FSIP2: variants seen among roughly 807,000 people sequenced by gnomAD.
The protein encoded by FSIP2 is fibrous sheath interacting protein 2, also known as fibrous sheath-interacting protein 2.
In FSIP2, 367 loss-of-function variants were observed where a neutral mutation model predicts 510.5. The observed-to-expected ratio is 0.72, with a 90% CI of 0.66 to 0.78. The LOEUF is 0.78. Ranked by LOEUF, FSIP2 falls within the 30% of genes least tolerant of loss-of-function variation. The probability of loss-of-function intolerance (pLI) is 0.00; values close to 1 mark genes in which losing one functional copy is unlikely to be tolerated. For missense variants in FSIP2, 7,594 were observed against 7,901.7 expected (o/e 0.96, Z 1.48); for synonymous variants, 2,601 against 2,732.2 (o/e 0.95, Z 1.50).
intron 9 of FSIP2, among the ~76,000 whole-genome samples, chr2:185,759,616 G>T (rs1347905656): frequency 7.0e-6 from 1 of 143,352 alleles, no homozygotes; most frequent in Non-Finnish European, 1.5e-5. Flanking sequence ...TTAATATAAT[G>T]GTCAGTATAA....
In FSIP2 at chr2:185,791,367, A is replaced by T; in HGVS notation, c.4231A>T (p.Thr1411Ser). 6.5e-7 allele frequency: 1 copy of T among 1,533,992 alleles called. No homozygotes were observed. Among genetic ancestry groups the T allele is most frequent in the Non-Finnish European group, 8.7e-7 (1 of 1,145,436 alleles). ...AAAATCTTTTCACAAATATTTGGCT[A>T]CTCCTTGTACTCACCACAGTGTCAA... ...DKKSFHKYLA[T>S]PCTHHSVNGG... The change falls in exon 16 of 23, where the codon ACT (threonine) becomes TCT (serine). Residue 1411 changes from threonine (T) to serine (S), a missense_variant. Thr to Ser is a moderately conservative substitution (Grantham distance 58). Transcript: ENST00000424728.
intron 19 of FSIP2, among the ~76,000 whole-genome samples, chr2:185,820,210 A>C (rs1245910269): frequency 1.3e-5 from 2 of 151,912 alleles, no homozygotes; most frequent in African/African-American, 4.8e-5. Flanking sequence ...GTGAGTTCTC[A>C]TGAGATCTGA....
chr2:185,800,867 A>T lies in FSIP2; in HGVS notation c.11561A>T (p.Lys3854Ile), dbSNP rs1355390824. ...SHSLVKSLMDKLSHSIQQAPE... is the reference protein window; with the variant it reads ...SHSLVKSLMDILSHSIQQAPE... ...AGCTTGGTTAAATCATTGATGGACA[A>T]ATTATCTCACAGCATACAACAAGCT... The change falls in exon 17 of 23, where the codon AAA becomes ATA. Residue 3854 changes from lysine (K) to isoleucine (I), a missense_variant. By Grantham distance (102) the Lys-to-Ile change is moderately radical. Transcript: ENST00000424728. 7.2e-6 allele frequency: 11 copies of T among 1,534,196 alleles called. No homozygotes were observed. The highest frequency in any genetic ancestry group is 2.7e-5 in the African/African-American group (2 of 72,876).
chr2:185,797,122 C>T lies in FSIP2; in HGVS notation c.9986C>T (p.Ala3329Val). The change falls in exon 16 of 23, where the codon GCT (alanine) becomes GTT (valine). Residue 3329 changes from alanine to valine, a missense_variant. By Grantham distance (64) the Ala-to-Val change is moderately conservative. Coordinates refer to ENST00000424728, the MANE Select transcript of FSIP2 (RefSeq NM_173651.4). ...TTISPLKICL[A>V]AENIVNTVLS... is the part of the protein sequence containing the mutation. ...ATTTCCCCTCTCAAAATATGTTTAG[C>T]TGCAGAAAATATTGTCAATACTGTG... is the stretch of plus-strand genomic sequence containing the variant. 1 of 1,534,970 alleles carries T rather than the reference C, an allele frequency of 6.5e-7. No homozygotes were observed. The highest frequency in any genetic ancestry group is 8.7e-7 in the Non-Finnish European group (1 of 1,146,194).
Position 185,794,813 on chromosome 2 carries a change from T to A in FSIP2, c.7677T>A (p.Tyr2559Ter). 6.5e-7 allele frequency: 1 copy of A among 1,532,664 alleles called. No homozygotes were observed. The highest frequency in any genetic ancestry group is 1.2e-5 in the South Asian group (1 of 83,736). The allele number at this position is 1,532,664 out of a possible 1,614,324, so 94.9% of individuals were successfully genotyped here. ...ACTTGGTAGTTGTGACATCATTATATGAAAATAATAAAAGTAGGACAGAAG... is the reference window on the plus strand; with the variant it reads ...ACTTGGTAGTTGTGACATCATTATAAGAAAATAATAAAAGTAGGACAGAAG... ...KMYLVVVTSLYENNKSRTEVE... is the reference protein window; with the variant it reads ...KMYLVVVTSL Residue 2559 changes from tyrosine to a stop codon, truncating the protein, a stop_gained, in exon 16 of 23, where the codon TAT (tyrosine) becomes TAA (stop). Coordinates refer to ENST00000424728, the MANE Select transcript of FSIP2 (RefSeq NM_173651.4). LOFTEE classifies it high-confidence loss of function.
intron 19 of FSIP2, among the ~76,000 whole-genome samples, chr2:185,822,917 T>C (rs946203993): frequency 6.6e-6 from 1 of 151,886 alleles, no homozygotes; most frequent in African/African-American, 2.4e-5. Flanking sequence ...CATGATCAAA[T>C]GATTTTTACC....
At position 185,813,920 on chromosome 2, in the gene FSIP2, A is replaced by G. The variant is rs772374837; in HGVS notation, c.20203A>G (p.Asn6735Asp). The change falls in exon 18 of 23, where the codon AAT (asparagine) becomes GAT (aspartate). Residue 6735 changes from asparagine (N) to aspartate (D), a missense_variant. Physicochemically the swap from Asn to Asp is conservative, Grantham distance 23. Coordinates refer to ENST00000424728, the MANE Select transcript of FSIP2 (RefSeq NM_173651.4). ...ANIESTEAIS[N>D]QVIESKETHV... ...TATTGAAAGTACTGAAGCAATCTCAAATCAGGTAATAGAATCCAAGGAGAC... is the reference window on the plus strand; with the variant it reads ...TATTGAAAGTACTGAAGCAATCTCAGATCAGGTAATAGAATCCAAGGAGAC... 1 of 1,613,684 alleles carries G rather than the reference A, an allele frequency of 6.2e-7. No homozygotes were observed. The highest frequency in any genetic ancestry group is 1.1e-5 in the South Asian group (1 of 91,068).
Position 185,796,682 on chromosome 2 carries a change from A to C in FSIP2, c.9546A>C (p.Gln3182His). 6.5e-7 allele frequency: 1 copy of C among 1,535,130 alleles called. No individual in the cohort carries two copies. Among genetic ancestry groups the C allele is most frequent in the Non-Finnish European group, 8.7e-7 (1 of 1,146,260 alleles). ...GTAGTTTGGGGATTAATCCTTCACA[A>C]GTGAGTAAAACTGGGTTTGTGTTTT... ...KEGSLGINPSQVSKTGFVFCS... is the reference protein window; with the variant it reads ...KEGSLGINPSHVSKTGFVFCS... Residue 3182 changes from glutamine to histidine, a missense_variant, in exon 16 of 23, where the codon CAA becomes CAC. Transcript: ENST00000424728.
chr2:185,763,051 C>A, intron 11 of FSIP2, 132 bp from the exon 12 acceptor site: 2 of 567,868 alleles, frequency 3.5e-6, no homozygotes, highest in Non-Finnish European at 3.1e-6. Flanking sequence ...CAAATAAATC[C>A]CTGATTGTGG....
intron 2 of FSIP2, among the ~76,000 whole-genome samples, chr2:185,742,741 TC>T (rs1277750340): frequency 6.6e-6 from 1 of 152,262 alleles, no homozygotes; most frequent in Non-Finnish European, 1.5e-5. Flanking sequence ...TTACTATTAA[TC>T]CTTTTATCTT....
At position 185,799,883 on chromosome 2, in the gene FSIP2, A is replaced by G; in HGVS notation, c.10577A>G (p.Lys3526Arg). ...DGTKKGREKEKAWEIQEATFS... is the reference protein window; with the variant it reads ...DGTKKGREKERAWEIQEATFS... ...ACCAAAAAGGGTAGAGAAAAAGAGA[A>G]AGCATGGGAAATTCAAGAAGCAACA... The change falls in exon 17 of 23, where the codon AAA becomes AGA. Residue 3526 changes from lysine to arginine, a missense_variant. Lys to Arg is a conservative substitution (Grantham distance 26). Transcript: ENST00000424728. 1 of 1,533,736 alleles carries G rather than the reference A, an allele frequency of 6.5e-7. No individual in the cohort carries two copies. Among genetic ancestry groups the G allele is most frequent in the Non-Finnish European group, 8.7e-7 (1 of 1,145,450 alleles).
At chr2:185,762,605 C>T (rs1382203141) in intron 11 of FSIP2, among the ~76,000 whole-genome samples, 2 of 151,404 alleles carry the variant, frequency 1.3e-5, no homozygotes, top group African/African-American at 4.8e-5. Context: ...CCTAAGTTGC[C>T]TTGGACTCTT....
intron 13 of FSIP2, among the ~76,000 whole-genome samples, chr2:185,780,264 CTT>C (rs1418414396): frequency 6.6e-6 from 1 of 151,804 alleles, no homozygotes; most frequent in Non-Finnish European, 1.5e-5. Context: ...TATTGCCTCT[CTT>C]CATTTTCGTT....
chr2:185,764,880 C>T (rs1374170300), intron 13 of FSIP2: 2 of 211,798 alleles, frequency 9.4e-6, no homozygotes, highest in South Asian at 1.8e-4. Context: ...CATGAAGGAT[C>T]AGAAGGAATT....
At chr2:185,754,685 A>T (rs939881796) in intron 8 of FSIP2, among the ~76,000 whole-genome samples, 1 of 151,496 alleles carries the variant, frequency 6.6e-6, no homozygotes, top group South Asian at 2.1e-4. Flanking sequence ...CAGCATCTAG[A>T]GTTCAGTCTT....
At chr2:185,815,715 CT>C (rs1000369159) in intron 19 of FSIP2, among the ~76,000 whole-genome samples, 9 of 151,878 alleles carry the variant, frequency 5.9e-5, no homozygotes, top group African/African-American at 2.2e-4. Flanking sequence ...GTATCAGTGT[CT>C]TATATAAAGT....
At chr2:185,827,327 A>G (rs570427860) in intron 20 of FSIP2, among the ~76,000 whole-genome samples, 31 of 151,786 alleles carry the variant, frequency 2.0e-4, no homozygotes, top group Non-Finnish European at 4.1e-4. Context: ...TTGGTTCTTG[A>G]TGAGTGTAGC....
intron 1 of FSIP2, 75 bp downstream of exon 1, chr2:185,739,068 A>G: frequency 6.9e-7 from 1 of 1,455,408 alleles, no homozygotes; most frequent in Non-Finnish European, 9.1e-7. Context: ...AGGGATCGCC[A>G]CACACGGGTC....
Position 185,756,292 on chromosome 2 carries a change from G to A in FSIP2, c.1078+14G>A, listed in dbSNP as rs1310662153. 2 of 1,053,548 alleles carry A rather than the reference G, an allele frequency of 1.9e-6. No homozygotes were observed. Among genetic ancestry groups the A allele is most frequent in the Non-Finnish European group, 2.7e-6 (2 of 753,702 alleles). 65.3% of individuals were successfully genotyped at this position (1,053,548 alleles called of 1,614,324 possible). On this transcript the variant is annotated intron_variant, in intron 9 of 22. Transcript: ENST00000424728. The stretch of plus-strand genomic sequence containing the variant: ...AAGAAACACATGGTAATTGAATATT[G>A]TGACAAGAAACACTAGATACTAAAC...
Sources: gnomAD v4.1 joint callset for allele counts (sites outside exome capture counted in the v4.1 genomes callset) on GRCh38, gnomAD v4.1.1 for gene constraint, MANE v1.5 for transcripts, NCBI Gene and HGNC (gene_info 2026-07-23, HGNC 2026-07-21) for gene names.